Variants in STX6 observed in about 807,000 individuals in gnomAD.
STX6 encodes the protein syntaxin 6, also known as syntaxin-6.
A neutral mutation model predicts 38.0 loss-of-function variants in STX6; 23 were observed. That is an observed-to-expected ratio of 0.60 (90% CI 0.43 to 0.86). STX6 has a LOEUF of 0.86. STX6 is among the 40% of genes least tolerant of loss of function. The pLI is 0.00. For missense variants in STX6, 274 were observed against 312.9 expected, an observed-to-expected ratio of 0.88 and a Z score of 0.94; for synonymous variants, 123 against 107.5, an observed-to-expected ratio of 1.14 and a Z score of -0.89.
chr1:180,977,787 T>TA (rs1655297481), intron 7 of STX6, among the ~76,000 whole-genome samples: 1 of 152,174 alleles, frequency 6.6e-6, no homozygotes, highest in African/African-American at 2.4e-5. Flanking sequence ...TCTATGAAAA[T>TA]AAACTGCTAA....
At chr1:180,989,539 G>GA (rs908077147) in intron 5 of STX6, among the ~76,000 whole-genome samples, 1 of 150,322 alleles carries the variant, frequency 6.7e-6, no homozygotes, top group Non-Finnish European at 1.5e-5. Context: ...AATTTTCGAA[G>GA]AAAAAAATGA....
intron 7 of STX6, 58 bp from the exon 8 acceptor site, chr1:180,976,704 A>G (rs1345216224): frequency 6.6e-7 from 1 of 1,521,596 alleles, no homozygotes; most frequent in East Asian, 2.2e-5. Context: ...CCCAAGATAC[A>G]GTTATATGGA....
intron 1 of STX6, among the ~76,000 whole-genome samples, chr1:181,015,895 A>AGG (rs1369805574): frequency 6.6e-6 from 1 of 152,166 alleles, no homozygotes; most frequent in Non-Finnish European, 1.5e-5. Flanking sequence ...TCCTGACCTC[A>AGG]TGATTCGCCT....
intron 6 of STX6, among the ~76,000 whole-genome samples, chr1:180,987,341 C>G (rs1367960817): frequency 6.6e-6 from 1 of 152,236 alleles, no homozygotes; most frequent in African/African-American, 2.4e-5. Context: ...GCAGCATGCA[C>G]TGGCCCCATC....
chr1:181,010,591 C>T (rs1323762450), intron 1 of STX6, among the ~76,000 whole-genome samples: 1 of 151,972 alleles, frequency 6.6e-6, no homozygotes, highest in Non-Finnish European at 1.5e-5. Context: ...TGTGAGCCTC[C>T]GCGCCCGGCC....
intron 1 of STX6, among the ~76,000 whole-genome samples, chr1:181,008,070 T>C (rs954266752): frequency 2.0e-5 from 3 of 152,216 alleles, no homozygotes; most frequent in Non-Finnish European, 4.4e-5. Flanking sequence ...TTTCGGACAA[T>C]TGTGGATGTA....
Position 181,005,515 on chromosome 1 carries a change from C to A in STX6, c.36-52G>T. On this transcript the variant is annotated intron_variant, in intron 1 of 7. Transcript: ENST00000258301. Reference sequence around the variant, plus strand: ...GAAATCACAGACAACATTCCATGGTCAAGTTACTGCATGATTTAGGTTAAC... The same window carrying A: ...GAAATCACAGACAACATTCCATGGTAAAGTTACTGCATGATTTAGGTTAAC... 2.6e-6 allele frequency: 4 copies of A among 1,557,098 alleles called. No individual in the cohort carries two copies. The South Asian group carries it at 4.7e-5, about 18-fold the overall frequency.
In STX6 at chr1:180,990,045, A is replaced by T; in HGVS notation, c.428T>A (p.Leu143Gln). ...ATTGGCTCTCTGGAGCTCTCGGTCCAGACGCCCATATTTATCTGTTGTTCC... is the reference window on the plus strand; with the variant it reads ...ATTGGCTCTCTGGAGCTCTCGGTCCTGACGCCCATATTTATCTGTTGTTCC... Reference protein sequence around the residue: ...STGTTDKYGRLDRELQRANSH... With the variant: ...STGTTDKYGRQDRELQRANSH... The change falls in exon 5 of 8, where the codon CTG becomes CAG. Residue 143 changes from leucine to glutamine, a missense_variant. Transcript: ENST00000258301. The T allele has an allele frequency of 6.2e-7, 1 of 1,614,146 alleles. No homozygotes were observed. Among genetic ancestry groups the T allele is most frequent in the African/African-American group, 1.3e-5 (1 of 75,012 alleles).
intron 1 of STX6, among the ~76,000 whole-genome samples, chr1:181,018,754 T>C (rs1416548430): frequency 6.6e-6 from 1 of 152,200 alleles, no homozygotes; most frequent in African/African-American, 2.4e-5. Flanking sequence ...GGTCTCCTTT[T>C]TCATCTTTCC....
chr1:180,977,123 G>A (rs1419474425), intron 7 of STX6, among the ~76,000 whole-genome samples: 2 of 152,192 alleles, frequency 1.3e-5, no homozygotes, highest in Non-Finnish European at 2.9e-5. Flanking sequence ...ATATACAGCT[G>A]AAAAAGCAAG....
At chr1:180,998,761 C>T (rs1014807792) in intron 3 of STX6, among the ~76,000 whole-genome samples, 13 of 152,186 alleles carry the variant, frequency 8.5e-5, no homozygotes, top group Middle Eastern at 3.2e-3. Context: ...TATTGGAATT[C>T]GGGATCTTAA....
At chr1:180,995,960 A>C (rs761388260) in intron 3 of STX6, among the ~76,000 whole-genome samples, 2 of 152,198 alleles carry the variant, frequency 1.3e-5, no homozygotes, top group Non-Finnish European at 2.9e-5. Flanking sequence ...GGCTGTGTTC[A>C]GTTTATAAAT....
chr1:180,997,125 T>C (rs865874794), intron 3 of STX6, among the ~76,000 whole-genome samples: 14 of 152,368 alleles, frequency 9.2e-5, no homozygotes, highest in African/African-American at 3.4e-4. Context: ...GCACTAAGTT[T>C]CTATTTCTTC....
chr1:181,002,004 C>A lies in STX6; in HGVS notation c.300+602G>T, dbSNP rs968875792. 2.0e-5 allele frequency among the ~76,000 whole-genome samples: 3 copies of A among 152,214 alleles called. No homozygotes were observed. The East Asian group carries it at 5.8e-4, about 29-fold the overall frequency. On this transcript the variant is annotated intron_variant, in intron 3 of 7. Coordinates refer to ENST00000258301, the MANE Select transcript of STX6 (RefSeq NM_005819.6). ...GACCAGCCTGAGCAACATGGTGAAC[C>A]CTGTCTCTACAAAAAATTAGCCTGG...
chr1:180,984,090 A>C (rs1320055045), intron 7 of STX6, among the ~76,000 whole-genome samples: 1 of 139,954 alleles, frequency 7.1e-6, no homozygotes, highest in African/African-American at 2.8e-5. Flanking sequence ...AAAAAAAAAA[A>C]CACAACGAAA....
In STX6 at chr1:180,976,549, T is replaced by G; in HGVS notation, c.*21A>C. ...CCCTCGGTTCATATGCAGGAGGAAC[T>G]CGCACCCAGAGGCCCCGCCGTCACA... On this transcript the variant is annotated 3_prime_UTR_variant, in exon 8 of 8. Transcript: ENST00000258301. The G allele has an allele frequency of 1.2e-6, 2 of 1,611,578 alleles. No individual in the cohort carries two copies. Among genetic ancestry groups the G allele is most frequent in the Non-Finnish European group, 1.7e-6 (2 of 1,178,358 alleles).
chr1:181,011,383 G>A (rs1246587366), intron 1 of STX6, among the ~76,000 whole-genome samples: 1 of 152,186 alleles, frequency 6.6e-6, no homozygotes, highest in Non-Finnish European at 1.5e-5. Context: ...TATCATTTCA[G>A]TGTTAGCCTG....
chr1:181,014,960 C>A (rs1656514083), intron 1 of STX6, among the ~76,000 whole-genome samples: 2 of 152,198 alleles, frequency 1.3e-5, no homozygotes, highest in African/African-American at 4.8e-5. Context: ...CACTGCAGGT[C>A]AAAGTCACGA....
chr1:180,988,496 CTG>C (rs1404104001), intron 5 of STX6, 151 bp from the exon 6 acceptor site: 17 of 602,914 alleles, frequency 2.8e-5, no homozygotes, highest in African/African-American at 2.8e-4. Context: ...ACCGTTGCCT[CTG>C]AGAACACACT....
Sources: allele counts gnomAD v4.1 joint callset (sites outside exome capture counted in the v4.1 genomes callset), GRCh38; gene constraint gnomAD v4.1.1; transcripts MANE v1.5; gene names NCBI Gene and HGNC (gene_info 2026-07-23, HGNC 2026-07-21).